Variants in AGTPBP1 observed in about 807,000 individuals in gnomAD.
The protein encoded by AGTPBP1 is cytosolic carboxypeptidase 1.
In AGTPBP1, 70 loss-of-function variants were observed where a neutral mutation model predicts 143.9. That is an observed-to-expected ratio of 0.49 (90% CI 0.40 to 0.59). The LOEUF (loss-of-function observed/expected upper bound fraction) is 0.59, where lower values mean the gene tolerates loss of function less well. Among genes scored for constraint, AGTPBP1 ranks in the 20% least tolerant of loss-of-function variants. The pLI, the probability that AGTPBP1 is intolerant of heterozygous loss-of-function variation, is 0.00. For missense variants in AGTPBP1, 1,229 were observed against 1,464.5 expected (o/e 0.84, Z 2.62); for synonymous variants, 463 against 500.2 (o/e 0.93, Z 0.99).
intron 11 of AGTPBP1, among the ~76,000 whole-genome samples, chr9:85,652,829 G>C (rs942241801): frequency 6.6e-6 from 1 of 152,140 alleles, no homozygotes; most frequent in African/African-American, 2.4e-5. Flanking sequence ...ACTTGTAATT[G>C]TTATCTGAAG....
At chr9:85,587,046 G>A (rs1828659245) in intron 21 of AGTPBP1, 86 bp from the exon 22 acceptor site, 1 of 1,501,614 alleles carries the variant, frequency 6.7e-7, no homozygotes, top group Admixed American at 1.9e-5. Context: ...ATACATATCT[G>A]ATTTAACTTT....
At chr9:85,798,756 C>T in the AGTPBP1 span, among the ~76,000 whole-genome samples, 6 of 152,008 alleles carry the variant, frequency 3.9e-5, no homozygotes, top group Admixed American at 2.0e-4. Flanking sequence ...AACTGTTCAC[C>T]ACATTTAAGA....
chr9:85,795,716 T>C, the AGTPBP1 span, among the ~76,000 whole-genome samples: 1 of 152,144 alleles, frequency 6.6e-6, no homozygotes, highest in Non-Finnish European at 1.5e-5. Context: ...TGGTATTTGG[T>C]ATTCTGGTTC....
At chr9:85,613,696 G>C (rs1189980806) in intron 17 of AGTPBP1, among the ~76,000 whole-genome samples, 2 of 152,024 alleles carry the variant, frequency 1.3e-5, no homozygotes, top group Non-Finnish European at 2.9e-5. Context: ...TAAAACATAT[G>C]TTATTTAAAC....
chr9:85,742,613 C>T (rs190160565), upstream of AGTPBP1, among the ~76,000 whole-genome samples: 2 of 152,286 alleles, frequency 1.3e-5, no homozygotes, highest in Admixed American at 6.5e-5. Flanking sequence ...AAATAGCATG[C>T]TGATTTACTG....
At chr9:85,700,380 GA>G (rs1836564664) in intron 2 of AGTPBP1, among the ~76,000 whole-genome samples, 1 of 151,762 alleles carries the variant, frequency 6.6e-6, no homozygotes, top group African/African-American at 2.4e-5. Context: ...ACACCAAGAG[GA>G]AAAAAAGAGA....
chr9:85,633,426 T>C, intron 13 of AGTPBP1, 52 bp from the exon 14 acceptor site: 2 of 1,329,942 alleles, frequency 1.5e-6, no homozygotes, highest in Non-Finnish European at 2.0e-6. Context: ...TTAAAACATA[T>C]TAACAAAACT....
chr9:85,643,019 ATGTTC>A (rs1832593164), intron 12 of AGTPBP1, 76 bp from the exon 13 acceptor site: 10 of 932,856 alleles, frequency 1.1e-5, no homozygotes, highest in Non-Finnish European at 1.7e-5. Context: ...TAGATTTAAA[ATGTTC>A]CAAGTTATTA....
the AGTPBP1 span, among the ~76,000 whole-genome samples, chr9:85,750,933 A>G: frequency 6.6e-6 from 1 of 152,168 alleles, no homozygotes; most frequent in African/African-American, 2.4e-5. Flanking sequence ...CACAGTGACT[A>G]CCTACATTAG....
intron 8 of AGTPBP1, among the ~76,000 whole-genome samples, chr9:85,669,123 T>A (rs1437901369): frequency 6.6e-6 from 1 of 151,200 alleles, no homozygotes; most frequent in East Asian, 2.0e-4. Flanking sequence ...TTCATAAGAA[T>A]GAAAAAGTCA....
chr9:85,708,205 C>G (rs1837139981), intron 2 of AGTPBP1, among the ~76,000 whole-genome samples: 1 of 152,132 alleles, frequency 6.6e-6, no homozygotes, highest in Non-Finnish European at 1.5e-5. Context: ...ATCACCCTAA[C>G]CTTTTGCTTC....
intron 1 of AGTPBP1, 133 bp downstream of exon 1, chr9:85,741,642 C>G (rs1259006678): frequency 8.0e-7 from 1 of 1,245,154 alleles, no homozygotes; most frequent in African/African-American, 1.6e-5. Context: ...CGTTACACAA[C>G]CCGTCAGGTA....
At chr9:85,772,109 A>C in the AGTPBP1 span, among the ~76,000 whole-genome samples, 1 of 150,760 alleles carries the variant, frequency 6.6e-6, no homozygotes, top group Admixed American at 6.6e-5. Context: ...CTGAGTAGCT[A>C]GGATTACAGG....
chr9:85,639,375 A>G lies in AGTPBP1; in HGVS notation c.1302+3452T>C, dbSNP rs879744969. On this transcript the variant is annotated intron_variant, in intron 13 of 25. Transcript: ENST00000357081. ...CCCATGCGCGCGCACGCGCACACAC[A>G]CACACACACACACACACACACACAT... Among the ~76,000 whole-genome samples, 369 of 150,944 alleles carry G rather than the reference A, an allele frequency of 2.4e-3. 3 individuals are homozygous for G. Among genetic ancestry groups the G allele is most frequent in the Admixed American group, 0.017 (254 of 15,202 alleles).
rs146995052 is a variant in AGTPBP1 at position 85,663,181 on chromosome 9, C to T, written c.663-2208G>A. On this transcript the variant is annotated intron_variant, in intron 8 of 25. Transcript: ENST00000357081. Reference sequence around the variant, plus strand: ...ATGAAAGCTGTACAGGGATTTTCAGCGAGTTGTGTTTGAATATTCAGCAAA... The same window carrying T: ...ATGAAAGCTGTACAGGGATTTTCAGTGAGTTGTGTTTGAATATTCAGCAAA... Among the ~76,000 whole-genome samples, 23 of 152,116 alleles carry T rather than the reference C, an allele frequency of 1.5e-4. 1 individual carries two copies. The highest frequency in any genetic ancestry group is 5.5e-4 in the African/African-American group (23 of 41,512).
Position 85,741,836 on chromosome 9 carries a change from G to A in AGTPBP1, c.-95C>T. ...GCCGCAGCACCCGGCTCAGCACCTG[G>A]ATCACGGCGGATCCCTCGCCGCCCG... On this transcript the variant is annotated 5_prime_UTR_variant, in exon 1 of 26. Coordinates refer to ENST00000357081, the MANE Select transcript of AGTPBP1 (RefSeq NM_001330701.2). 7.1e-7 allele frequency: 1 copy of A among 1,401,986 alleles called. No homozygotes were observed. Among genetic ancestry groups the A allele is most frequent in the Non-Finnish European group, 9.3e-7 (1 of 1,079,356 alleles). 86.8% of individuals were successfully genotyped at this position (1,401,986 alleles called of 1,614,324 possible).
chr9:85,620,521 ACT>A (rs1830863782), intron 15 of AGTPBP1, among the ~76,000 whole-genome samples: 1 of 152,102 alleles, frequency 6.6e-6, no homozygotes, highest in South Asian at 2.1e-4. Flanking sequence ...GAAGAAAGCC[ACT>A]GAGGGCTAAT....
intron 11 of AGTPBP1, among the ~76,000 whole-genome samples, chr9:85,654,522 A>T (rs1833371078): frequency 1.3e-5 from 2 of 152,138 alleles, no homozygotes; most frequent in African/African-American, 4.8e-5. Flanking sequence ...TAGACATTTA[A>T]TGTTTATATT....
intron 11 of AGTPBP1, among the ~76,000 whole-genome samples, chr9:85,654,205 A>C (rs1481881527): frequency 6.6e-6 from 1 of 152,152 alleles, no homozygotes; most frequent in Non-Finnish European, 1.5e-5. Flanking sequence ...ACTGATAAGA[A>C]AATACTATAG....
Sources: gnomAD v4.1 joint callset for allele counts (sites outside exome capture counted in the v4.1 genomes callset) on GRCh38, gnomAD v4.1.1 for gene constraint, MANE v1.5 for transcripts, NCBI Gene and HGNC (gene_info 2026-07-23, HGNC 2026-07-21) for gene names.